The following LHPP variants were observed in gnomAD, a reference collection of about 807,000 sequenced individuals.
LHPP encodes the protein phospholysine phosphohistidine inorganic pyrophosphate phosphatase, also known as hLHPP.
In LHPP, 24 loss-of-function variants were observed where a neutral mutation model predicts 30.3. That is an observed-to-expected ratio of 0.79 (90% CI 0.57 to 1.11). The LOEUF is 1.11. Ranked by LOEUF, LHPP falls within the 50% of genes most tolerant of loss-of-function variation. The probability of loss-of-function intolerance (pLI) is 0.00; values close to 1 mark genes in which losing one functional copy is unlikely to be tolerated. For synonymous variants in LHPP, 150 were observed against 157.1 expected, an observed-to-expected ratio of 0.95 and a Z score of 0.34; for missense variants, 356 against 367.2, an observed-to-expected ratio of 0.97 and a Z score of 0.25.
At position 124,610,962 on chromosome 10, in the gene LHPP, AGGGTGCGGGTGAGGGTGCTGGTGGAGC is replaced by A. The variant is rs1344045838; in HGVS notation, c.717-2296_717-2270del. Among the ~76,000 whole-genome samples the A allele has an allele frequency of 5.6e-3, 307 of 54,710 alleles. 8 individuals carry two copies. Among genetic ancestry groups the A allele is most frequent in the East Asian group, 0.033 (41 of 1,242 alleles). The allele number at this position is 54,710 out of a possible 152,430, so 35.9% of individuals were successfully genotyped here. A position where few individuals can be genotyped will look rare whatever the true frequency, so the allele number is the denominator to read the frequency against. On this transcript the variant is annotated intron_variant, in intron 6 of 6. Transcript: ENST00000368842. ...GGTGAGGGTGCTGATGGAGCGGGTG[AGGGTGCGGGTGAGGGTGCTGGTGGAGC>A]GGGTGAGGGTGTTAATGAAGCGGGT...
At chr10:124,512,616 C>CAAAAA (rs34808470) in intron 5 of LHPP, among the ~76,000 whole-genome samples, 1 of 54,184 alleles carries the variant, frequency 1.8e-5, no homozygotes, top group African/African-American at 7.6e-5. Flanking sequence ...GACTCCGTCT[C>CAAAAA]AAAAAAAAAA....
At chr10:124,487,326 A>G (rs1371443499) in intron 2 of LHPP, among the ~76,000 whole-genome samples, 3 of 152,078 alleles carry the variant, frequency 2.0e-5, no homozygotes, top group African/African-American at 7.2e-5. Context: ...CACGTCCTCC[A>G]TCTGCTGCAG....
At chr10:124,556,245 G>A (rs1167605067) in intron 6 of LHPP, among the ~76,000 whole-genome samples, 3 of 152,212 alleles carry the variant, frequency 2.0e-5, no homozygotes, top group Non-Finnish European at 1.5e-5. Context: ...GTGCACAAAT[G>A]TGTCCTCTGT....
chr10:124,610,747 T>C (rs1266607524), intron 6 of LHPP, among the ~76,000 whole-genome samples: 1 of 78,744 alleles, frequency 1.3e-5, no homozygotes, highest in Non-Finnish European at 2.5e-5. Flanking sequence ...AGGGTGCTGA[T>C]GGAGCGGGTG....
chr10:124,613,721 A>C lies in LHPP; in HGVS notation c.*361A>C. 6.3e-6 allele frequency: 2 copies of C among 319,412 alleles called. No homozygotes were observed. The highest frequency in any genetic ancestry group is 1.2e-5 in the Non-Finnish European group (2 of 168,324). 19.8% of individuals were successfully genotyped at this position (319,412 alleles called of 1,614,324 possible). The stretch of plus-strand genomic sequence containing the variant: ...ACTCACCACTCACCATGGGCCTTTA[A>C]ATGCAGTAAACTCCACCTAACCAGA... On this transcript the variant is annotated 3_prime_UTR_variant, in exon 7 of 7. Transcript: ENST00000368842.
chr10:124,516,195 G>A (rs1432624759), intron 5 of LHPP, among the ~76,000 whole-genome samples: 2 of 152,196 alleles, frequency 1.3e-5, no homozygotes, highest in Non-Finnish European at 2.9e-5. Flanking sequence ...CAGCAAGTCC[G>A]GTTTCTGGTG....
Position 124,593,629 on chromosome 10 carries a change from T to G in LHPP, c.717-19635T>G, listed in dbSNP as rs548757112. Among the ~76,000 whole-genome samples, 1 of 152,332 alleles carries G rather than the reference T, an allele frequency of 6.6e-6. No individual in the cohort carries two copies. Among genetic ancestry groups the G allele is most frequent in the East Asian group, 1.9e-4 (1 of 5,180 alleles). ...GAGTGAGGCACCACCATGGACCTGA[T>G]GGGCAGATCCCCCAGGGCACTCTAT... On this transcript the variant is annotated intron_variant, in intron 6 of 6. Coordinates refer to ENST00000368842, the MANE Select transcript of LHPP (RefSeq NM_022126.4). The surrounding 1 kb of genome is among the most constrained non-coding windows in gnomAD (Gnocchi z 4.9).
At chr10:124,582,453 C>G (rs966683609) in intron 6 of LHPP, among the ~76,000 whole-genome samples, 1 of 152,018 alleles carries the variant, frequency 6.6e-6, no homozygotes, top group Non-Finnish European at 1.5e-5. Flanking sequence ...TTTATATATT[C>G]TGGATATAAG....
At chr10:124,543,036 A>G (rs6597837) in intron 6 of LHPP, among the ~76,000 whole-genome samples, 123,495 of 152,216 alleles carry the variant, frequency 0.81, 50,460 homozygotes, top group East Asian at 1. Context: ...CTGCTGTGCC[A>G]CACCTCACTG....
At chr10:124,483,901 G>A (rs1323228304) in intron 1 of LHPP, among the ~76,000 whole-genome samples, 4 of 152,104 alleles carry the variant, frequency 2.6e-5, no homozygotes, top group Non-Finnish European at 5.9e-5. Context: ...GAAGTCCAGT[G>A]AGGATGGAAA....
At chr10:124,488,634 CCA>C in intron 3 of LHPP, 59 bp downstream of exon 3, 2 of 1,490,716 alleles carry the variant, frequency 1.3e-6, no homozygotes. Context: ...GTGCCAGTCT[CCA>C]ACTTGCGGAA....
At chr10:124,554,469 T>A (rs998621941) in intron 6 of LHPP, among the ~76,000 whole-genome samples, 2 of 152,244 alleles carry the variant, frequency 1.3e-5, no homozygotes, top group Non-Finnish European at 2.9e-5. Flanking sequence ...ATACTGGGAT[T>A]ACAGGCATGA....
intron 1 of LHPP, among the ~76,000 whole-genome samples, chr10:124,476,230 G>C (rs1952940545): frequency 6.6e-6 from 1 of 152,166 alleles, no homozygotes; most frequent in African/African-American, 2.4e-5. Flanking sequence ...CTGCGTCACT[G>C]TGTCTCTTCT....
intron 6 of LHPP, among the ~76,000 whole-genome samples, chr10:124,547,685 G>A (rs575112681): frequency 1.3e-3 from 198 of 152,348 alleles, no homozygotes; most frequent in Admixed American, 1.8e-3. Flanking sequence ...GCCCTGCACC[G>A]CCAGGAGAAG....
chr10:124,465,143 A>C (rs913981830), intron 1 of LHPP, among the ~76,000 whole-genome samples: 6 of 152,096 alleles, frequency 3.9e-5, no homozygotes, highest in African/African-American at 1.4e-4. Flanking sequence ...AGCTCTGAGG[A>C]GAAGGCACTG....
intron 1 of LHPP, among the ~76,000 whole-genome samples, chr10:124,483,070 C>T (rs1953193356): frequency 6.6e-6 from 1 of 151,934 alleles, no homozygotes; most frequent in African/African-American, 2.4e-5. Flanking sequence ...CAGGTGCAGC[C>T]TGGATTCGCG....
intron 1 of LHPP, among the ~76,000 whole-genome samples, chr10:124,463,564 T>C (rs562118301): frequency 6.6e-6 from 1 of 152,146 alleles, no homozygotes; most frequent in Admixed American, 6.5e-5. Flanking sequence ...GGTTTCACCA[T>C]ACTGGCTAGG....
At chr10:124,548,250 C>A (rs1386578643) in intron 6 of LHPP, among the ~76,000 whole-genome samples, 1 of 152,174 alleles carries the variant, frequency 6.6e-6, no homozygotes, top group Non-Finnish European at 1.5e-5. Context: ...CCCATGCTGC[C>A]TCTGCCTCCT....
At chr10:124,486,365 A>G (rs1181769616) in intron 2 of LHPP, among the ~76,000 whole-genome samples, 2 of 152,250 alleles carry the variant, frequency 1.3e-5, no homozygotes, top group Non-Finnish European at 2.9e-5. Context: ...ATCATACAGT[A>G]TATAATTGTG....
Sources: allele counts gnomAD v4.1 joint callset (sites outside exome capture counted in the v4.1 genomes callset), GRCh38; gene constraint gnomAD v4.1.1; non-coding constraint Gnocchi (gnomAD v3.1); transcripts MANE v1.5; gene names NCBI Gene and HGNC (gene_info 2026-07-23, HGNC 2026-07-21).